GPR176: variants seen among roughly 807,000 people sequenced by gnomAD.
GPR176 encodes G-protein coupled receptor 176.
A neutral mutation model predicts 35.4 loss-of-function variants in GPR176; 26 were observed. The observed-to-expected ratio is 0.74, with a 90% CI of 0.54 to 1.02. The LOEUF (loss-of-function observed/expected upper bound fraction) is 1.02. GPR176 is among the 50% of genes least tolerant of loss of function. The probability of loss-of-function intolerance (pLI) is 0.00; values close to 1 mark genes in which losing one functional copy is unlikely to be tolerated. For missense variants in GPR176, 597 were observed against 665.3 expected (o/e 0.90, Z 1.13); for synonymous variants, 278 against 271.3 (o/e 1.02, Z -0.24).
intron 2 of GPR176, among the ~76,000 whole-genome samples, chr15:39,804,374 T>C (rs74008885): frequency 0.024 from 3,610 of 152,352 alleles, 154 homozygotes; most frequent in African/African-American, 0.08. Flanking sequence ...TTTGCATCTG[T>C]GAATAACAAA....
intron 1 of GPR176, among the ~76,000 whole-genome samples, chr15:39,829,952 C>T (rs1900954952): frequency 6.6e-6 from 1 of 151,746 alleles, no homozygotes; most frequent in Admixed American, 6.6e-5. Context: ...ATTCTTAATA[C>T]CAGTACTGTT....
intron 1 of GPR176, among the ~76,000 whole-genome samples, chr15:39,914,530 G>A (rs925049013): frequency 6.6e-6 from 1 of 152,020 alleles, no homozygotes; most frequent in Non-Finnish European, 1.5e-5. Context: ...GGCCAGGCTG[G>A]TCTCGAACAC....
At chr15:39,840,487 T>TG (rs1375485681) in intron 1 of GPR176, among the ~76,000 whole-genome samples, 1 of 151,502 alleles carries the variant, frequency 6.6e-6, no homozygotes, top group East Asian at 1.9e-4. Flanking sequence ...TGTCATGGGG[T>TG]GGGGGTAGCG....
chr15:39,818,971 T>A (rs1435133613), intron 1 of GPR176, among the ~76,000 whole-genome samples: 1 of 152,248 alleles, frequency 6.6e-6, no homozygotes, highest in Admixed American at 6.5e-5. Context: ...AAGCACATTA[T>A]TCTCTGAAAA....
chr15:39,831,884 C>G (rs1901097991), intron 1 of GPR176, among the ~76,000 whole-genome samples: 1 of 151,978 alleles, frequency 6.6e-6, no homozygotes, highest in Non-Finnish European at 1.5e-5. Context: ...ATTGACTTCC[C>G]TTATCACTCT....
intron 1 of GPR176, among the ~76,000 whole-genome samples, chr15:39,909,018 G>C (rs1161121470): frequency 2.6e-5 from 4 of 152,308 alleles, no homozygotes; most frequent in Admixed American, 2.6e-4. Context: ...AGATACTGTA[G>C]TCTGGTTCAC....
intron 2 of GPR176, among the ~76,000 whole-genome samples, chr15:39,806,562 C>A (rs1899201483): frequency 6.6e-6 from 1 of 152,194 alleles, no homozygotes; most frequent in South Asian, 2.1e-4. Context: ...TGTTACCTAG[C>A]CAGATCCAAG....
chr15:39,806,887 G>T, intron 2 of GPR176, 119 bp downstream of exon 2: 1 of 856,952 alleles, frequency 1.2e-6, no homozygotes, highest in Non-Finnish European at 1.8e-6. Context: ...CCTTTCTGTT[G>T]ATCACAAGCT....
chr15:39,829,172 G>T (rs1259975299), intron 1 of GPR176: 1 of 1,532,608 alleles, frequency 6.5e-7, no homozygotes, highest in Non-Finnish European at 8.7e-7. Flanking sequence ...ACGTCACACT[G>T]CCTTCTCATG....
intron 1 of GPR176, among the ~76,000 whole-genome samples, chr15:39,884,716 GC>G (rs755884255): frequency 1.1e-4 from 16 of 152,162 alleles, no homozygotes; most frequent in Non-Finnish European, 1.8e-4. Flanking sequence ...AAGGGTCAAG[GC>G]CAAGGGCAAA....
intron 1 of GPR176, among the ~76,000 whole-genome samples, chr15:39,811,358 T>C (rs1220578610): frequency 6.6e-6 from 1 of 152,138 alleles, no homozygotes; most frequent in Non-Finnish European, 1.5e-5. Context: ...TAATTATTGA[T>C]ATGGTTGTAT....
At chr15:39,893,753 C>T (rs1378404390) in intron 1 of GPR176, among the ~76,000 whole-genome samples, 2 of 147,334 alleles carry the variant, frequency 1.4e-5, no homozygotes, top group Admixed American at 6.7e-5. Flanking sequence ...CACCTCCCTC[C>T]CGGGCGGGGC....
intron 1 of GPR176, among the ~76,000 whole-genome samples, chr15:39,814,075 G>A (rs2140798170): frequency 6.6e-6 from 1 of 152,212 alleles, no homozygotes; most frequent in Middle Eastern, 3.4e-3. Flanking sequence ...TTCCCCAAGT[G>A]CTAAAAGTTC....
chr15:39,822,265 A>C (rs1428164488), intron 1 of GPR176, among the ~76,000 whole-genome samples: 6 of 152,020 alleles, frequency 3.9e-5, no homozygotes, highest in Non-Finnish European at 5.9e-5. Flanking sequence ...AAATTATGAG[A>C]TAATAACTGT....
intron 1 of GPR176, among the ~76,000 whole-genome samples, chr15:39,888,999 C>A (rs1261063473): frequency 6.6e-6 from 1 of 152,212 alleles, no homozygotes; most frequent in Non-Finnish European, 1.5e-5. Flanking sequence ...AAAGGCTGAT[C>A]ACCAGAGATT....
intron 1 of GPR176, among the ~76,000 whole-genome samples, chr15:39,821,010 T>C (rs1159188608): frequency 6.6e-6 from 1 of 152,208 alleles, no homozygotes; most frequent in Non-Finnish European, 1.5e-5. Context: ...TTGTAACATT[T>C]TCTAAGCATC....
chr15:39,817,085 C>CAAAAAAAAAAAAAAA (rs1390516035), intron 1 of GPR176, among the ~76,000 whole-genome samples: 1 of 60,504 alleles, frequency 1.7e-5, no homozygotes, highest in Admixed American at 1.7e-4. Flanking sequence ...AAAAAAAAAG[C>CAAAAAAAAAAAAAAA]TTTGAAAAAC....
At chr15:39,816,657 A>G (rs1248223268) in intron 1 of GPR176, among the ~76,000 whole-genome samples, 1 of 152,248 alleles carries the variant, frequency 6.6e-6, no homozygotes, top group Non-Finnish European at 1.5e-5. Context: ...CCATGAGATT[A>G]TTTCATCATT....
chr15:39,807,563 A>G (rs2140784877), intron 1 of GPR176: 1 of 1,517,906 alleles, frequency 6.6e-7, no homozygotes, highest in Non-Finnish European at 8.8e-7. Flanking sequence ...TTTGCTAGTT[A>G]TTACTTAATC....
Sources: gnomAD v4.1 joint callset for allele counts (sites outside exome capture counted in the v4.1 genomes callset) on GRCh38, gnomAD v4.1.1 for gene constraint, MANE v1.5 for transcripts, NCBI Gene and HGNC (gene_info 2026-07-23, HGNC 2026-07-21) for gene names.